ABCA12: variants seen among roughly 807,000 people sequenced by gnomAD.
ABCA12 encodes the protein glucosylceramide transporter ABCA12.
A neutral mutation model predicts 293.5 loss-of-function variants in ABCA12; 156 were observed. The ratio of observed to expected loss-of-function variants is 0.53; its 90% CI spans 0.47 to 0.61. The LOEUF is 0.61. Ranked by LOEUF, ABCA12 falls within the 20% of genes least tolerant of loss-of-function variation. ABCA12 has a pLI of 0.00. For synonymous variants in ABCA12, 1,063 were observed against 1,108.0 expected, an observed-to-expected ratio of 0.96 and a Z score of 0.81; for missense variants, 2,797 against 3,090.2, an observed-to-expected ratio of 0.91 and a Z score of 2.25.
rs892714013 is a variant in ABCA12 at position 215,117,918 on chromosome 2, T to C, written c.70-6228A>G. On this transcript the variant is annotated intron_variant, in intron 1 of 52. Coordinates refer to ENST00000272895, the MANE Select transcript of ABCA12 (RefSeq NM_173076.3). ...TTGTTTCTTTCACACAGTTTTGTTATTGTTTTCGATGAAATGTGAATGCCT... is the reference window on the plus strand; with the variant it reads ...TTGTTTCTTTCACACAGTTTTGTTACTGTTTTCGATGAAATGTGAATGCCT... Among the ~76,000 whole-genome samples, 60 of 152,212 alleles carry C rather than the reference T, an allele frequency of 3.9e-4. 3 individuals are homozygous for C. Among genetic ancestry groups the C allele is most frequent in the Non-Finnish European group, 5.9e-5 (4 of 68,040 alleles).
intron 39 of ABCA12, among the ~76,000 whole-genome samples, chr2:214,966,461 G>T (rs1699261613): frequency 6.6e-6 from 1 of 152,020 alleles, no homozygotes; most frequent in Non-Finnish European, 1.5e-5. Context: ...AAAAAAGAAA[G>T]AAAAGTTTTG....
intron 7 of ABCA12, chr2:215,039,035 A>G (rs562200004): frequency 1.3e-5 from 2 of 152,230 alleles, no homozygotes; most frequent in Non-Finnish European, 2.9e-5. Flanking sequence ...TTGCTCTCTG[A>G]GTAAAGGTAA....
At chr2:215,061,082 T>C (rs1449146341) in intron 3 of ABCA12, among the ~76,000 whole-genome samples, 1 of 152,028 alleles carries the variant, frequency 6.6e-6, no homozygotes, top group African/African-American at 2.4e-5. Context: ...ACTGTGCTGA[T>C]AGATTCTGAG....
chr2:215,075,442 T>C (rs935242782), intron 2 of ABCA12: 5 of 615,676 alleles, frequency 8.1e-6, no homozygotes, highest in South Asian at 2.0e-5. Flanking sequence ...AGTACTCTAG[T>C]GAGTGAAGGT....
intron 27 of ABCA12, among the ~76,000 whole-genome samples, chr2:214,987,209 T>C (rs1195553876): frequency 6.6e-6 from 1 of 152,172 alleles, no homozygotes; most frequent in Admixed American, 6.5e-5. Flanking sequence ...CCGTACTCAC[T>C]TTATAATGAC....
Position 215,091,934 on chromosome 2 carries a change from G to A in ABCA12, c.163+19663C>T, listed in dbSNP as rs113486484. Among the ~76,000 whole-genome samples, 768 of 150,972 alleles carry A rather than the reference G, an allele frequency of 5.1e-3. 5 individuals carry two copies. Among genetic ancestry groups the A allele is most frequent in the African/African-American group, 0.017 (721 of 41,260 alleles). On this transcript the variant is annotated intron_variant, in intron 2 of 52. Coordinates refer to ENST00000272895, the MANE Select transcript of ABCA12 (RefSeq NM_173076.3). ...CAGGATTCCTCCTAAGCTGTGTCCCGTCTGTGAGGGACCCCACTGGAAATC... is the reference window on the plus strand; with the variant it reads ...CAGGATTCCTCCTAAGCTGTGTCCCATCTGTGAGGGACCCCACTGGAAATC...
At chr2:215,084,904 G>C (rs1345190788) in intron 2 of ABCA12, among the ~76,000 whole-genome samples, 1 of 151,866 alleles carries the variant, frequency 6.6e-6, no homozygotes, top group Non-Finnish European at 1.5e-5. Flanking sequence ...GACCAGCCTG[G>C]CCAACATGGT....
intron 31 of ABCA12, 136 bp downstream of exon 31, chr2:214,980,347 C>A (rs760037344): frequency 6.1e-5 from 77 of 1,261,400 alleles, no homozygotes; most frequent in Non-Finnish European, 8.1e-5. Context: ...TTTCGATGCT[C>A]ACTCAAATAT....
rs116612120 is a variant in ABCA12 at position 214,934,737 on chromosome 2, C to T, written c.7543-522G>A. Among the ~76,000 whole-genome samples, 808 of 152,230 alleles carry T rather than the reference C, an allele frequency of 5.3e-3. 4 individuals carry two copies. Among genetic ancestry groups the T allele is most frequent in the African/African-American group, 0.019 (786 of 41,540 alleles). ...CTTTCCAATTTCTTTATTTCGGTCA[C>T]CAGTATCACCATCTACTTAGTTTAA... On this transcript the variant is annotated intron_variant, in intron 51 of 52. Transcript: ENST00000272895.
chr2:215,082,296 G>T (rs900930862), intron 2 of ABCA12, among the ~76,000 whole-genome samples: 1 of 151,698 alleles, frequency 6.6e-6, no homozygotes, highest in African/African-American at 2.4e-5. Flanking sequence ...ACCTGCCTCG[G>T]CCTCCCAAAC....
intron 2 of ABCA12, among the ~76,000 whole-genome samples, chr2:215,069,065 T>C (rs540216181): frequency 1.3e-5 from 2 of 152,324 alleles, no homozygotes; most frequent in African/African-American, 2.4e-5. Context: ...TGTTTCATTC[T>C]GTTTTTCTCA....
intron 2 of ABCA12, among the ~76,000 whole-genome samples, chr2:215,090,811 C>T (rs1001443583): frequency 3.4e-4 from 51 of 152,198 alleles, no homozygotes; most frequent in African/African-American, 1.1e-3. Flanking sequence ...CTTTTTACTA[C>T]GGGCAATCTT....
In ABCA12 at chr2:215,000,911, G is replaced by A. The variant is rs764800792; in HGVS notation, c.2973C>T (p.Thr991=). The A allele has an allele frequency of 1.4e-5, 22 of 1,613,994 alleles. No individual in the cohort carries two copies. Among genetic ancestry groups the A allele is most frequent in the African/African-American group, 4.0e-5 (3 of 74,902 alleles). ...IKYTIRMSLK[T]AQTTRSLRTK... is the part of the protein sequence containing the mutation. ...TTCTTAGGCTTCTTGTGGTCTGTGCGGTCTTGAGACTCATCCGGATGGTAT... is the reference window on the plus strand; with the variant it reads ...TTCTTAGGCTTCTTGTGGTCTGTGCAGTCTTGAGACTCATCCGGATGGTAT... The change falls in exon 22 of 53, where the codon ACC becomes ACT. Residue 991 remains threonine (T), a synonymous_variant. Transcript: ENST00000272895.
intron 1 of ABCA12, among the ~76,000 whole-genome samples, chr2:215,113,225 A>G (rs2106129986): frequency 6.6e-6 from 1 of 152,328 alleles, no homozygotes; most frequent in Middle Eastern, 3.4e-3. Flanking sequence ...TTTGTGTCCA[A>G]GAGTGCTGCT....
intron 50 of ABCA12, among the ~76,000 whole-genome samples, chr2:214,937,906 G>A (rs1021557442): frequency 3.9e-5 from 6 of 151,988 alleles, no homozygotes; most frequent in African/African-American, 9.7e-5. Context: ...TTCATAAATC[G>A]GCAATGGATG....
At position 214,989,634 on chromosome 2, in the gene ABCA12, G is replaced by T. The variant is rs747707025; in HGVS notation, c.3625-13C>A. On this transcript the variant is annotated splice_polypyrimidine_tract_variant and intron_variant, in intron 24 of 52. Transcript: ENST00000272895. ...GGGACAGCAGGCTCTGTGAAGAAAG[G>T]AAACGGCAATGATAGTTCTTGTAGA... is the stretch of plus-strand genomic sequence containing the variant. 83 of 1,613,394 alleles carry T rather than the reference G, an allele frequency of 5.1e-5. No homozygotes were observed. Among genetic ancestry groups the T allele is most frequent in the Non-Finnish European group, 6.6e-5 (78 of 1,179,694 alleles).
intron 2 of ABCA12, among the ~76,000 whole-genome samples, chr2:215,087,330 C>T (rs1702061218): frequency 6.6e-6 from 1 of 152,090 alleles, no homozygotes; most frequent in African/African-American, 2.4e-5. Context: ...GATTGGAAAG[C>T]GCTGTCAAAT....
chr2:214,971,891 G>A (rs1451858438), intron 36 of ABCA12, among the ~76,000 whole-genome samples: 1 of 152,106 alleles, frequency 6.6e-6, no homozygotes, highest in East Asian at 1.9e-4. Context: ...TGAGAGTTCT[G>A]GTTGCTGCAT....
intron 2 of ABCA12, among the ~76,000 whole-genome samples, chr2:215,065,297 TAAAAAAAAAAAAA>T (rs66466863): frequency 1.1e-4 from 5 of 45,138 alleles, no homozygotes; most frequent in African/African-American, 1.8e-4. Context: ...CATGAATGTG[TAAAAAAAAAAAAA>T]AAAAAAAAAA....
Sources: allele counts gnomAD v4.1 joint callset (sites outside exome capture counted in the v4.1 genomes callset), GRCh38; gene constraint gnomAD v4.1.1; transcripts MANE v1.5; gene names NCBI Gene and HGNC (gene_info 2026-07-23, HGNC 2026-07-21).